USP12: variants seen among roughly 807,000 people sequenced by gnomAD.
USP12 encodes ubiquitin carboxyl-terminal hydrolase 12.
In USP12, 19 loss-of-function variants were observed where a neutral mutation model predicts 45.5. The ratio of observed to expected loss-of-function variants is 0.42; its 90% confidence interval spans 0.29 to 0.61. The LOEUF is 0.61. USP12 is among the 20% of genes least tolerant of loss of function. The pLI, the probability that USP12 is intolerant of heterozygous loss-of-function variation, is 0.22. For missense variants in USP12, 242 were observed against 447.7 expected, an observed-to-expected ratio of 0.54 and a Z score of 4.15; for synonymous variants, 149 against 148.8, an observed-to-expected ratio of 1.00 and a Z score of -0.01.
chr13:27,171,359 G>A (rs1878598566), intron 1 of USP12, among the ~76,000 whole-genome samples: 1 of 147,478 alleles, frequency 6.8e-6, no homozygotes, highest in Admixed American at 6.7e-5. Context: ...CTACCCTCGC[G>A]CCGCCCTGGC....
At chr13:27,108,977 C>T (rs1302972058) in intron 2 of USP12, among the ~76,000 whole-genome samples, 1 of 152,116 alleles carries the variant, frequency 6.6e-6, no homozygotes, top group Non-Finnish European at 1.5e-5. Flanking sequence ...TGTGTATATA[C>T]ACATAATGAC....
chr13:27,091,681 T>G (rs1593179432), intron 4 of USP12, among the ~76,000 whole-genome samples: 1 of 152,146 alleles, frequency 6.6e-6, no homozygotes, highest in Non-Finnish European at 1.5e-5. Context: ...AAATGGAACA[T>G]GATCATGATC....
intron 6 of USP12, among the ~76,000 whole-genome samples, chr13:27,085,424 G>GC (rs1465618120): frequency 6.6e-6 from 1 of 151,976 alleles, no homozygotes; most frequent in African/African-American, 2.4e-5. Context: ...CAGGTGATCT[G>GC]CCCACCTTGG....
At chr13:27,117,051 T>TA (rs979263202) in intron 1 of USP12, among the ~76,000 whole-genome samples, 3 of 151,824 alleles carry the variant, frequency 2.0e-5, no homozygotes, top group South Asian at 2.1e-4. Context: ...AGACACCCTG[T>TA]AAAAAAAACT....
At chr13:27,078,396 A>T (rs184988223) in intron 6 of USP12, among the ~76,000 whole-genome samples, 5 of 152,108 alleles carry the variant, frequency 3.3e-5, no homozygotes, top group Admixed American at 2.6e-4. Flanking sequence ...ATTTTGCTCT[A>T]TGTGAGGGTC....
intron 1 of USP12, among the ~76,000 whole-genome samples, chr13:27,151,564 G>A (rs985151432): frequency 6.6e-6 from 1 of 151,656 alleles, no homozygotes; most frequent in African/African-American, 2.4e-5. Flanking sequence ...AGAGGATCCC[G>A]AGGGCCAGGA....
intron 6 of USP12, among the ~76,000 whole-genome samples, chr13:27,080,978 G>C (rs999631673): frequency 1.3e-5 from 2 of 151,226 alleles, no homozygotes; most frequent in African/African-American, 4.9e-5. Context: ...GATCAGGATG[G>C]TGGTTGCTGA....
In USP12 at chr13:27,095,862, T is replaced by C. The variant is rs993290970; in HGVS notation, c.344-32A>G. 4.0e-6 allele frequency: 6 copies of C among 1,496,890 alleles called. No homozygotes were observed. In the African/African-American group the frequency reaches 5.7e-5, roughly 14 times the overall value. The allele number at this position is 1,496,890 out of a possible 1,614,324, so 92.7% of individuals were successfully genotyped here. A position where few individuals can be genotyped will look rare whatever the true frequency, so the allele number is the denominator to read the frequency against. ...ATAAAAACATTATATTAGAGAATTATTTCAGAATTCATAACTTCATAAAAA... is the reference window on the plus strand; with the variant it reads ...ATAAAAACATTATATTAGAGAATTACTTCAGAATTCATAACTTCATAAAAA... On this transcript the variant is annotated intron_variant, in intron 3 of 8. Transcript: ENST00000282344.
chr13:27,092,643 C>T (rs1279444520), intron 4 of USP12, among the ~76,000 whole-genome samples: 1 of 152,142 alleles, frequency 6.6e-6, no homozygotes, highest in African/African-American at 2.4e-5. Context: ...ACAAATGATG[C>T]TGGAGCAGAT....
intron 1 of USP12, among the ~76,000 whole-genome samples, chr13:27,161,346 AT>A (rs957672037): frequency 9.2e-5 from 14 of 152,316 alleles, no homozygotes; most frequent in African/African-American, 2.9e-4. Flanking sequence ...TTATAAATGC[AT>A]TTTCCATTCC....
intron 1 of USP12, among the ~76,000 whole-genome samples, chr13:27,165,524 CACAG>C (rs1346709471): frequency 2.6e-5 from 4 of 152,108 alleles, no homozygotes; most frequent in African/African-American, 9.7e-5. Flanking sequence ...GCCAACATGA[CACAG>C]TGATTACCAT....
chr13:27,127,239 G>C (rs1186289724), intron 1 of USP12, among the ~76,000 whole-genome samples: 2 of 152,184 alleles, frequency 1.3e-5, no homozygotes, highest in Non-Finnish European at 2.9e-5. Flanking sequence ...GAAGGGTCTA[G>C]ACCTAAAACT....
At chr13:27,140,239 A>C (rs990298004) in intron 1 of USP12, among the ~76,000 whole-genome samples, 1 of 152,206 alleles carries the variant, frequency 6.6e-6, no homozygotes, top group Non-Finnish European at 1.5e-5. Context: ...GACTGGAGGG[A>C]GCGAAACAGT....
chr13:27,115,485 G>C (rs1463557622), intron 2 of USP12, among the ~76,000 whole-genome samples: 1 of 152,114 alleles, frequency 6.6e-6, no homozygotes, highest in African/African-American at 2.4e-5. Context: ...CTAATATTTA[G>C]AGTCCACCAA....
intron 6 of USP12, among the ~76,000 whole-genome samples, chr13:27,087,860 A>T (rs1874132213): frequency 6.6e-6 from 1 of 152,246 alleles, no homozygotes; most frequent in Non-Finnish European, 1.5e-5. Flanking sequence ...CTAATGGATA[A>T]CAATCCACTG....
At position 27,129,103 on chromosome 13, in the gene USP12, A is replaced by C. The variant is rs191866357; in HGVS notation, c.49-12507T>G. 6.6e-6 allele frequency among the ~76,000 whole-genome samples: 1 copy of C among 152,014 alleles called. No homozygotes were observed. Among genetic ancestry groups the C allele is most frequent in the East Asian group, 1.9e-4 (1 of 5,198 alleles). On this transcript the variant is annotated intron_variant, in intron 1 of 8. Transcript: ENST00000282344. The surrounding 1 kb of genome is among the most constrained non-coding windows in gnomAD (Gnocchi z 4.0). ...TCGGAATATTCCATACACTTCAAATAAAAAAAAGTACTCATATTGTGAACT... is the reference window on the plus strand; with the variant it reads ...TCGGAATATTCCATACACTTCAAATCAAAAAAAGTACTCATATTGTGAACT...
chr13:27,138,723 A>G (rs577782875), intron 1 of USP12, among the ~76,000 whole-genome samples: 18 of 152,060 alleles, frequency 1.2e-4, no homozygotes, highest in African/African-American at 3.9e-4. Context: ...TTTTTTTCGT[A>G]TTTTCAGTTT....
chr13:27,171,574 C>A lies in USP12; in HGVS notation c.48+18G>T. 8.0e-7 allele frequency: 1 copy of A among 1,252,568 alleles called. No homozygotes were observed. The highest frequency in any genetic ancestry group is 1.0e-6 in the Non-Finnish European group (1 of 964,298). 77.6% of individuals were successfully genotyped at this position (1,252,568 alleles called of 1,614,324 possible). A position where few individuals can be genotyped will look rare whatever the true frequency, so the allele number is the denominator to read the frequency against. On this transcript the variant is annotated intron_variant, in intron 1 of 8. Transcript: ENST00000282344. Reference sequence around the variant, plus strand: ...GAGAGGTCCCGGCAGCCCCGGCCGCCCGCTCGCCGCCACCTACCATGGTAC... The same window carrying A: ...GAGAGGTCCCGGCAGCCCCGGCCGCACGCTCGCCGCCACCTACCATGGTAC...
chr13:27,133,585 C>T (rs990415908), intron 1 of USP12, among the ~76,000 whole-genome samples: 15 of 148,736 alleles, frequency 1.0e-4, no homozygotes, highest in African/African-American at 2.5e-4. Flanking sequence ...GCCAATATCG[C>T]GCCACTGCGC....
Sources: gnomAD v4.1 joint callset for allele counts (sites outside exome capture counted in the v4.1 genomes callset) on GRCh38, gnomAD v4.1.1 for gene constraint, Gnocchi (gnomAD v3.1) non-coding constraint, MANE v1.5 for transcripts, NCBI Gene and HGNC (gene_info 2026-07-23, HGNC 2026-07-21) for gene names.